The following PBX1 variants were observed in gnomAD, a reference collection of about 807,000 sequenced individuals.
The protein encoded by PBX1 is pre-B-cell leukemia transcription factor 1.
PBX1 carries 6 observed loss-of-function variants against 53.4 expected under a neutral mutation model. The ratio of observed to expected loss-of-function variants is 0.11; its 90% CI spans 0.06 to 0.22. PBX1 has a LOEUF of 0.22. PBX1 is among the 10% of genes least tolerant of loss of function. PBX1 has a pLI of 1.00. For synonymous variants in PBX1, 204 were observed against 212.3 expected (o/e 0.96, Z 0.34); for missense variants, 251 against 551.4 (o/e 0.46, Z 5.46).
intron 2 of PBX1, among the ~76,000 whole-genome samples, chr1:164,643,316 G>C (rs989757724): frequency 6.6e-6 from 1 of 152,170 alleles, no homozygotes; most frequent in Non-Finnish European, 1.5e-5. Context: ...TGCTGACGTG[G>C]TGTCGTGGTG....
chr1:164,724,070 G>A (rs1664549931), intron 2 of PBX1, among the ~76,000 whole-genome samples: 1 of 152,178 alleles, frequency 6.6e-6, no homozygotes, highest in Non-Finnish European at 1.5e-5. Flanking sequence ...TTTCTTAGAA[G>A]TTCAAAAGCA....
intron 5 of PBX1, among the ~76,000 whole-genome samples, chr1:164,809,644 C>T (rs1669512748): frequency 6.6e-6 from 1 of 152,156 alleles, no homozygotes; most frequent in South Asian, 2.1e-4. Flanking sequence ...TTCCCAAAGC[C>T]AGGGAATACC....
Position 164,807,739 on chromosome 1 carries a change from C to A in PBX1, c.837+62C>A, listed in dbSNP as rs560134309. 3 of 1,570,370 alleles carry A rather than the reference C, an allele frequency of 1.9e-6. No homozygotes were observed. The African/African-American group carries it at 4.1e-5, about 21-fold the overall frequency. On this transcript the variant is annotated intron_variant, in intron 5 of 8. Transcript: ENST00000420696. Reference sequence around the variant, plus strand: ...GCCATGGCGGGGCCTCCGGGGCAGGCTCTTAGAGGTCTTGCTTTACTGGAC... The same window carrying A: ...GCCATGGCGGGGCCTCCGGGGCAGGATCTTAGAGGTCTTGCTTTACTGGAC...
At chr1:164,752,074 A>C (rs1268933272) in intron 2 of PBX1, among the ~76,000 whole-genome samples, 1 of 152,094 alleles carries the variant, frequency 6.6e-6, no homozygotes, top group Admixed American at 6.6e-5. Context: ...CCTGTGTGTG[A>C]TTCATAGGTT....
intron 2 of PBX1, among the ~76,000 whole-genome samples, chr1:164,571,463 AT>A (rs774904888): frequency 5.3e-5 from 8 of 151,976 alleles, no homozygotes; most frequent in Non-Finnish European, 1.0e-4. Flanking sequence ...TTTTTGACTC[AT>A]TTCTTCTGTT....
intron 2 of PBX1, among the ~76,000 whole-genome samples, chr1:164,740,992 G>C (rs2102165974): frequency 6.6e-6 from 1 of 152,262 alleles, no homozygotes. Flanking sequence ...TCTTACAAGA[G>C]CTAATAATTT....
intron 2 of PBX1, among the ~76,000 whole-genome samples, chr1:164,568,810 C>T (rs770453810): frequency 6.6e-5 from 10 of 152,246 alleles, no homozygotes; most frequent in Admixed American, 3.3e-4. Flanking sequence ...TGGCACTTCT[C>T]GGAACTTAGC....
intron 2 of PBX1, among the ~76,000 whole-genome samples, chr1:164,755,464 T>A (rs1318619719): frequency 6.6e-6 from 1 of 152,208 alleles, no homozygotes; most frequent in Non-Finnish European, 1.5e-5. Flanking sequence ...CTTGTGGTTA[T>A]TTTTTAAAAT....
chr1:164,631,275 G>GT lies in PBX1; in HGVS notation c.265+67974dup, dbSNP rs953603438. Among the ~76,000 whole-genome samples the GT allele has an allele frequency of 1.4e-4, 20 of 146,870 alleles. 1 individual carries two copies. Among genetic ancestry groups the GT allele is most frequent in the South Asian group, 2.2e-4 (1 of 4,614 alleles). ...AATAGTTTCATAACCTAGTGAGAGA[G>GT]TTTTTTTTTTCTTTTTTTTTTTTCT... is the stretch of plus-strand genomic sequence containing the variant. On this transcript the variant is annotated intron_variant, in intron 2 of 8. Coordinates refer to ENST00000420696, the MANE Select transcript of PBX1 (RefSeq NM_002585.4).
chr1:164,847,495 T>C lies in PBX1; in HGVS notation c.*819T>C. 1.9e-6 allele frequency: 2 copies of C among 1,062,074 alleles called. No individual in the cohort carries two copies. The highest frequency in any genetic ancestry group is 5.1e-5 in the East Asian group (1 of 19,700). 65.8% of individuals were successfully genotyped at this position (1,062,074 alleles called of 1,614,324 possible). A position where few individuals can be genotyped will look rare whatever the true frequency, so the allele number is the denominator to read the frequency against. On this transcript the variant is annotated 3_prime_UTR_variant, in exon 9 of 9. Coordinates refer to ENST00000420696, the MANE Select transcript of PBX1 (RefSeq NM_002585.4). ...ACAGTCTTTGGAGACCATTCAGCAC[T>C]GAGAAAGCAATATTTAGAACCTATT...
chr1:164,740,490 C>T (rs1228925803), intron 2 of PBX1, among the ~76,000 whole-genome samples: 7 of 151,828 alleles, frequency 4.6e-5, no homozygotes, highest in Non-Finnish European at 4.4e-5. Flanking sequence ...GAGTGGAGAC[C>T]AGTTGATGTA....
chr1:164,803,922 C>T (rs953187140), intron 4 of PBX1, among the ~76,000 whole-genome samples: 2 of 152,066 alleles, frequency 1.3e-5, no homozygotes, highest in Non-Finnish European at 2.9e-5. Flanking sequence ...AGGGATAATC[C>T]TGTAAATAGG....
chr1:164,839,447 C>T (rs760546505), intron 8 of PBX1, among the ~76,000 whole-genome samples: 11 of 152,062 alleles, frequency 7.2e-5, no homozygotes, highest in African/African-American at 9.7e-5. Flanking sequence ...AAAAGTTGCA[C>T]GTAGTTTTAA....
chr1:164,739,936 G>A (rs893321982), intron 2 of PBX1, among the ~76,000 whole-genome samples: 2 of 152,022 alleles, frequency 1.3e-5, no homozygotes, highest in East Asian at 1.9e-4. Context: ...AGAGGTTTGC[G>A]GGTGAAAATA....
chr1:164,690,445 G>T (rs555657277), intron 2 of PBX1, among the ~76,000 whole-genome samples: 1 of 152,268 alleles, frequency 6.6e-6, no homozygotes, highest in South Asian at 2.1e-4. Flanking sequence ...CATGTGATTA[G>T]TCAGTCCTTA....
At position 164,559,380 on chromosome 1, in the gene PBX1, C is replaced by T; in HGVS notation, c.-443C>T. On this transcript the variant is annotated 5_prime_UTR_variant, in exon 1 of 9. Transcript: ENST00000420696. Reference sequence around the variant, plus strand: ...GGGGGAAAGTTTGCATTGCAATCCCCCTGCCTTCCTCTCCTTTCTCCCGAT... The same window carrying T: ...GGGGGAAAGTTTGCATTGCAATCCCTCTGCCTTCCTCTCCTTTCTCCCGAT... 1 of 223,318 alleles carries T rather than the reference C, an allele frequency of 4.5e-6. No individual in the cohort carries two copies. The highest frequency in any genetic ancestry group is 6.5e-5 in the East Asian group (1 of 15,298). The allele number at this position is 223,318 out of a possible 1,614,324, so 13.8% of individuals were successfully genotyped here.
chr1:164,727,163 T>A (rs966051493), intron 2 of PBX1, among the ~76,000 whole-genome samples: 5 of 152,198 alleles, frequency 3.3e-5, no homozygotes, highest in Admixed American at 6.5e-5. Flanking sequence ...CATTCACCCC[T>A]TGGCATGCTC....
chr1:164,596,948 A>G lies in PBX1; in HGVS notation c.265+33637A>G, dbSNP rs1655802355. On this transcript the variant is annotated intron_variant, in intron 2 of 8. Transcript: ENST00000420696. ...AGTTCCTTGGCCAAGGCCACACCAC[A>G]GGTAAGTGGTACAGCGTGGATATGA... 2.6e-5 allele frequency among the ~76,000 whole-genome samples: 4 copies of G among 152,112 alleles called. No individual in the cohort carries two copies. In the Middle Eastern group the frequency reaches 0.014, roughly 528 times the overall value.
At chr1:164,804,187 C>T (rs61329599) in intron 4 of PBX1, among the ~76,000 whole-genome samples, 2,199 of 152,226 alleles carry the variant, frequency 0.014, 57 homozygotes, top group African/African-American at 0.05. Flanking sequence ...AGCCTGTGCT[C>T]CTCAAACTGG....
Sources: gnomAD v4.1 joint callset for allele counts (sites outside exome capture counted in the v4.1 genomes callset) on GRCh38, gnomAD v4.1.1 for gene constraint, MANE v1.5 for transcripts, NCBI Gene and HGNC (gene_info 2026-07-23, HGNC 2026-07-21) for gene names.